The following RANBP17 variants were observed in gnomAD, a reference collection of about 807,000 sequenced individuals.
The protein encoded by RANBP17 is ran-binding protein 17.
A neutral mutation model predicts 141.2 loss-of-function variants in RANBP17; 158 were observed. The observed-to-expected ratio is 1.12, with a 90% CI of 0.98 to 1.28. The LOEUF is 1.28. RANBP17 is among the 50% of genes most tolerant of loss of function. The pLI, the probability that RANBP17 is intolerant of heterozygous loss-of-function variation, is 0.00. For synonymous variants in RANBP17, 430 were observed against 450.0 expected, an observed-to-expected ratio of 0.96 and a Z score of 0.56; for missense variants, 1,438 against 1,290.7, an observed-to-expected ratio of 1.11 and a Z score of -1.75.
intron 24 of RANBP17, among the ~76,000 whole-genome samples, chr5:171,251,483 A>G (rs1246062502): frequency 6.6e-6 from 1 of 152,100 alleles, no homozygotes; most frequent in Non-Finnish European, 1.5e-5. Context: ...TATACAAATA[A>G]ATGGAAATTA....
chr5:170,954,541 CACA>C (rs1561926237), intron 13 of RANBP17, among the ~76,000 whole-genome samples: 53 of 150,600 alleles, frequency 3.5e-4, no homozygotes, highest in African/African-American at 1.3e-3. Context: ...CACACACACA[CACA>C]CCCCAACCCC....
intron 5 of RANBP17, among the ~76,000 whole-genome samples, chr5:170,905,316 A>T (rs1160934823): frequency 6.6e-6 from 1 of 151,932 alleles, no homozygotes; most frequent in African/African-American, 2.4e-5. Flanking sequence ...AAAAACTGTC[A>T]TCTTGAGTGA....
intron 25 of RANBP17, among the ~76,000 whole-genome samples, chr5:171,269,457 A>C (rs1281954981): frequency 1.3e-5 from 2 of 152,212 alleles, no homozygotes; most frequent in African/African-American, 4.8e-5. Flanking sequence ...GGGAAGAATT[A>C]GCTGGACAGA....
rs182988082 is a variant in RANBP17 at position 171,105,108 on chromosome 5, C to T, written c.1711-65022C>T. ...TTATTTAAAAAATTTTCCAGCCGGG[C>T]GCGGTGGCTCACGCCTGTAATCCCA... On this transcript the variant is annotated intron_variant, in intron 14 of 27. Transcript: ENST00000523189. 1.6e-4 allele frequency among the ~76,000 whole-genome samples: 24 copies of T among 151,968 alleles called. No homozygotes were observed. In the East Asian group the frequency reaches 3.7e-3, roughly 23 times the overall value.
At chr5:171,281,138 TC>T (rs1767835852) in intron 25 of RANBP17, among the ~76,000 whole-genome samples, 1 of 152,144 alleles carries the variant, frequency 6.6e-6, no homozygotes, top group African/African-American at 2.4e-5. Flanking sequence ...TCTCTCCCAG[TC>T]CATCACTCCC....
intron 7 of RANBP17, among the ~76,000 whole-genome samples, chr5:170,912,375 G>A (rs985368550): frequency 6.6e-6 from 1 of 151,948 alleles, no homozygotes; most frequent in African/African-American, 2.4e-5. Flanking sequence ...AAATGGGTAG[G>A]AGTTCACGGG....
At chr5:171,093,182 A>T (rs941102841) in intron 14 of RANBP17, among the ~76,000 whole-genome samples, 3 of 150,574 alleles carry the variant, frequency 2.0e-5, no homozygotes, top group African/African-American at 7.3e-5. Flanking sequence ...TGCACTCCAG[A>T]CTGGACAATA....
intron 2 of RANBP17, among the ~76,000 whole-genome samples, chr5:170,880,400 T>C (rs1468483508): frequency 2.6e-5 from 4 of 152,206 alleles, no homozygotes; most frequent in African/African-American, 9.6e-5. Flanking sequence ...AAACTAGTAA[T>C]CTTATTTTCT....
chr5:171,061,573 T>C (rs1783853903), intron 14 of RANBP17, among the ~76,000 whole-genome samples: 1 of 152,224 alleles, frequency 6.6e-6, no homozygotes, highest in Non-Finnish European at 1.5e-5. Flanking sequence ...AGGAGAGCTT[T>C]ACTTCCAACT....
chr5:171,286,212 T>A (rs1022008515), intron 25 of RANBP17, among the ~76,000 whole-genome samples: 2 of 152,176 alleles, frequency 1.3e-5, no homozygotes, highest in Non-Finnish European at 2.9e-5. Context: ...GCAGTGCTAA[T>A]ATATGACCAA....
intron 3 of RANBP17, among the ~76,000 whole-genome samples, chr5:170,888,441 A>G (rs974309850): frequency 3.3e-5 from 5 of 152,144 alleles, no homozygotes; most frequent in African/African-American, 1.2e-4. Flanking sequence ...ATATTTTGTT[A>G]GATTTAAATC....
At chr5:170,903,246 G>A (rs886841840) in intron 5 of RANBP17, among the ~76,000 whole-genome samples, 17 of 151,398 alleles carry the variant, frequency 1.1e-4, no homozygotes, top group Admixed American at 9.9e-4. Flanking sequence ...GGTGGGCTCC[G>A]CCCATTTTGA....
chr5:171,013,464 C>G (rs1025074554), intron 14 of RANBP17, among the ~76,000 whole-genome samples: 2 of 152,042 alleles, frequency 1.3e-5, no homozygotes. Context: ...TCAGCCTGTT[C>G]TAGATATTTT....
At chr5:171,098,326 A>G (rs1042829256) in intron 14 of RANBP17, among the ~76,000 whole-genome samples, 8 of 152,196 alleles carry the variant, frequency 5.3e-5, no homozygotes, top group African/African-American at 1.9e-4. Context: ...AATGATGGCC[A>G]TTCTAACTGG....
At chr5:171,006,201 A>T (rs1779590639) in intron 14 of RANBP17, among the ~76,000 whole-genome samples, 1 of 152,222 alleles carries the variant, frequency 6.6e-6, no homozygotes, top group Admixed American at 6.5e-5. Context: ...TTCCTTCGGG[A>T]TCTAGAACTA....
intron 14 of RANBP17, among the ~76,000 whole-genome samples, chr5:171,164,187 A>G (rs1759523914): frequency 6.6e-6 from 1 of 152,168 alleles, no homozygotes; most frequent in African/African-American, 2.4e-5. Flanking sequence ...TACAATCTTT[A>G]GGAACTAATA....
intron 14 of RANBP17, among the ~76,000 whole-genome samples, chr5:171,144,378 A>G (rs1353378633): frequency 6.6e-6 from 1 of 152,144 alleles, no homozygotes; most frequent in Non-Finnish European, 1.5e-5. Context: ...AAAAAAAAGA[A>G]AGAAAGAAAA....
rs150124750 is a variant in RANBP17 at position 171,293,925 on chromosome 5, C to A, written c.2986C>A (p.Arg996=). The change falls in exon 26 of 28, where the codon CGG becomes AGG. Residue 996 remains arginine, a synonymous_variant. Coordinates refer to ENST00000523189, the MANE Select transcript of RANBP17 (RefSeq NM_022897.5). ...LMNTIVFEDC[R]NQWSVSRPLL... is the part of the protein sequence containing the mutation. ...GAACACCATTGTCTTTGAAGACTGT[C>A]GGAACCAGTGGTCAGTATCCAGGCC... is the stretch of plus-strand genomic sequence containing the variant. 7 of 1,613,820 alleles carry A rather than the reference C, an allele frequency of 4.3e-6. No homozygotes were observed. The South Asian group carries it at 7.7e-5, about 18-fold the overall frequency.
intron 13 of RANBP17, among the ~76,000 whole-genome samples, chr5:170,965,793 T>G (rs1451797615): frequency 1.3e-5 from 2 of 152,184 alleles, no homozygotes; most frequent in African/African-American, 4.8e-5. Flanking sequence ...GCTGTTTTGG[T>G]TACTGTAGCC....
Sources: gnomAD v4.1 joint callset for allele counts (sites outside exome capture counted in the v4.1 genomes callset) on GRCh38, gnomAD v4.1.1 for gene constraint, MANE v1.5 for transcripts, NCBI Gene and HGNC (gene_info 2026-07-23, HGNC 2026-07-21) for gene names.